OPCML: variants seen among roughly 807,000 people sequenced by gnomAD.
OPCML encodes opioid binding protein/cell adhesion molecule like.
Under a neutral mutation model 37.8 loss-of-function variants are expected in OPCML, and 13 were observed. That is an observed-to-expected ratio of 0.34 (90% CI 0.22 to 0.55). The LOEUF (loss-of-function observed/expected upper bound fraction) is 0.55, where lower values mean the gene tolerates loss of function less well. OPCML is among the 20% of genes least tolerant of loss of function. The probability of loss-of-function intolerance (pLI) is 0.91; values close to 1 mark genes in which losing one functional copy is unlikely to be tolerated. For synonymous variants in OPCML, 176 were observed against 168.8 expected, an observed-to-expected ratio of 1.04 and a Z score of -0.33; for missense variants, 341 against 435.6, an observed-to-expected ratio of 0.78 and a Z score of 1.93.
chr11:133,323,157 C>T (rs1158784339), intron 1 of OPCML, among the ~76,000 whole-genome samples: 1 of 152,124 alleles, frequency 6.6e-6, no homozygotes, highest in Non-Finnish European at 1.5e-5. Flanking sequence ...TTCACTCCTA[C>T]CCACAGTGGA....
At chr11:133,406,901 T>C (rs986613013) in intron 1 of OPCML, among the ~76,000 whole-genome samples, 1 of 152,200 alleles carries the variant, frequency 6.6e-6, no homozygotes, top group Non-Finnish European at 1.5e-5. Context: ...GAGGTTAATT[T>C]GCAAAGTTCA....
At position 132,436,651 on chromosome 11, in the gene OPCML, A is replaced by G. The variant is rs753680807; in HGVS notation, c.764+8T>C. Reference sequence around the variant, plus strand: ...TTCAGAACTGTCCAGGTGTCATTTAAAAGGTACCTGGTTTCTTCCTTGAAC... The same window carrying G: ...TTCAGAACTGTCCAGGTGTCATTTAGAAGGTACCTGGTTTCTTCCTTGAAC... On this transcript the variant is annotated splice_region_variant and intron_variant, in intron 6 of 7. Transcript: ENST00000524381. The G allele has an allele frequency of 1.1e-5, 17 of 1,613,952 alleles. No homozygotes were observed. In the South Asian group the frequency reaches 1.8e-4, roughly 17 times the overall value.
chr11:132,746,043 T>C (rs1052005332), intron 2 of OPCML, among the ~76,000 whole-genome samples: 19 of 151,384 alleles, frequency 1.3e-4, no homozygotes, highest in Non-Finnish European at 1.5e-4. Flanking sequence ...TGAGCAGCTG[T>C]GGAGGCCCAG....
intron 1 of OPCML, among the ~76,000 whole-genome samples, chr11:133,083,020 C>T (rs1591985557): frequency 6.6e-6 from 1 of 151,208 alleles, no homozygotes; most frequent in South Asian, 2.1e-4. Context: ...CCGCGGCGGA[C>T]GCCCCAGCCG....
At chr11:133,248,281 A>G (rs1422384794) in intron 1 of OPCML, among the ~76,000 whole-genome samples, 2 of 152,204 alleles carry the variant, frequency 1.3e-5, no homozygotes, top group African/African-American at 2.4e-5. Flanking sequence ...GAGCACATGG[A>G]CACATTAGTG....
intron 7 of OPCML, among the ~76,000 whole-genome samples, chr11:132,425,326 T>G (rs2136673540): frequency 6.6e-6 from 1 of 152,320 alleles, no homozygotes; most frequent in East Asian, 1.9e-4. Context: ...CAAATAACCC[T>G]AAATCCCTTT....
intron 1 of OPCML, among the ~76,000 whole-genome samples, chr11:133,498,119 C>T (rs1290144804): frequency 6.6e-6 from 1 of 152,190 alleles, no homozygotes; most frequent in Non-Finnish European, 1.5e-5. Flanking sequence ...GGGTGCCGGG[C>T]AAGCGGCGGT....
At chr11:132,827,726 G>A (rs555906792) in intron 2 of OPCML, among the ~76,000 whole-genome samples, 16 of 152,106 alleles carry the variant, frequency 1.1e-4, no homozygotes, top group African/African-American at 2.4e-4. Context: ...TGCAACCTCC[G>A]CCTCCCGCAT....
At position 133,138,130 on chromosome 11, in the gene OPCML, G is replaced by C. The variant is rs193152780; in HGVS notation, c.62-195120C>G. On this transcript the variant is annotated intron_variant, in intron 1 of 7. Coordinates refer to ENST00000524381, the MANE Select transcript of OPCML (RefSeq NM_001012393.5). The stretch of plus-strand genomic sequence containing the variant: ...TTGAAAGCGAGTTCTCACTCTCATG[G>C]GACTGAATTAGTTCCAGAAAGAGTG... Among the ~76,000 whole-genome samples, 12 of 152,176 alleles carry C rather than the reference G, an allele frequency of 7.9e-5. No individual in the cohort carries two copies. In the East Asian group the frequency reaches 2.3e-3, roughly 30 times the overall value.
At chr11:133,508,362 A>G (rs1287608577) in intron 1 of OPCML, among the ~76,000 whole-genome samples, 1 of 152,168 alleles carries the variant, frequency 6.6e-6, no homozygotes, top group African/African-American at 2.4e-5. Flanking sequence ...TGAAAAGACT[A>G]AGGACAAGAA....
At chr11:132,784,117 C>T (rs1160445071) in intron 2 of OPCML, among the ~76,000 whole-genome samples, 1 of 151,994 alleles carries the variant, frequency 6.6e-6, no homozygotes, top group East Asian at 1.9e-4. Context: ...AGCAACCTGC[C>T]CAGAAAACCA....
At chr11:133,479,598 G>A (rs1038185780) in intron 1 of OPCML, among the ~76,000 whole-genome samples, 12 of 152,190 alleles carry the variant, frequency 7.9e-5, no homozygotes, top group African/African-American at 2.4e-4. Flanking sequence ...AAGAAGGGCA[G>A]CACACCAAAG....
chr11:133,459,432 A>G (rs923461895), intron 1 of OPCML, among the ~76,000 whole-genome samples: 1 of 152,104 alleles, frequency 6.6e-6, no homozygotes, highest in Admixed American at 6.6e-5. Context: ...ATGGATTGAC[A>G]GAATGGATTG....
intron 2 of OPCML, among the ~76,000 whole-genome samples, chr11:132,896,260 G>A (rs1237274353): frequency 2.6e-5 from 4 of 152,164 alleles, no homozygotes; most frequent in Non-Finnish European, 5.9e-5. Context: ...CACACCAGGA[G>A]GGTCCAGAAG....
chr11:132,912,829 A>G (rs765165635), intron 2 of OPCML, among the ~76,000 whole-genome samples: 8 of 152,228 alleles, frequency 5.3e-5, no homozygotes, highest in Non-Finnish European at 7.3e-5. Flanking sequence ...CAGAACTTTC[A>G]GTGGCTTCCC....
intron 2 of OPCML, among the ~76,000 whole-genome samples, chr11:132,676,042 A>G (rs1310844642): frequency 1.3e-5 from 2 of 152,202 alleles, no homozygotes; most frequent in South Asian, 2.1e-4. Context: ...GTTAAAGCTT[A>G]CTAAAAAGCT....
At chr11:132,493,594 CCTT>C (rs2096222678) in intron 4 of OPCML, among the ~76,000 whole-genome samples, 1 of 152,182 alleles carries the variant, frequency 6.6e-6, no homozygotes, top group Non-Finnish European at 1.5e-5. Flanking sequence ...TTTCCCCTCT[CCTT>C]CCTGGACTCC....
intron 1 of OPCML, among the ~76,000 whole-genome samples, chr11:133,172,697 T>G (rs1367861): frequency 6.6e-6 from 1 of 151,866 alleles, no homozygotes; most frequent in African/African-American, 2.4e-5. Flanking sequence ...ACTCAGTCCT[T>G]TTTTTAATAT....
At chr11:133,107,337 A>C (rs1488110656) in intron 1 of OPCML, among the ~76,000 whole-genome samples, 2 of 152,200 alleles carry the variant, frequency 1.3e-5, no homozygotes, top group African/African-American at 4.8e-5. Context: ...ACGGGGAGGG[A>C]GAGACTCTTC....
Sources: gnomAD v4.1 joint callset for allele counts (sites outside exome capture counted in the v4.1 genomes callset) on GRCh38, gnomAD v4.1.1 for gene constraint, MANE v1.5 for transcripts, NCBI Gene and HGNC (gene_info 2026-07-23, HGNC 2026-07-21) for gene names.